Variants in TPR observed in about 807,000 individuals in gnomAD.
TPR encodes translocated promoter region, nuclear basket protein.
Under a neutral mutation model 316.1 loss-of-function variants are expected in TPR, and 51 were observed. That is an observed-to-expected ratio of 0.16 (90% CI 0.13 to 0.20). The LOEUF (loss-of-function observed/expected upper bound fraction) is 0.20, where lower values mean the gene tolerates loss of function less well. Among genes scored for constraint, TPR ranks in the 10% least tolerant of loss-of-function variants. The pLI, the probability that TPR is intolerant of heterozygous loss-of-function variation, is 1.00. For synonymous variants in TPR, 981 were observed against 914.7 expected (o/e 1.07, Z -1.31); for missense variants, 2,272 against 2,754.8 (o/e 0.82, Z 3.92).
chr1:186,346,328 C>A (rs1315982603), intron 22 of TPR, 41 bp from the exon 23 acceptor site: 4 of 1,533,086 alleles, frequency 2.6e-6, no homozygotes, highest in East Asian at 2.3e-5. Context: ...AAATTACACA[C>A]ATTTAAAGTC....
intron 21 of TPR, among the ~76,000 whole-genome samples, chr1:186,349,647 G>A (rs1171658261): frequency 2.7e-5 from 4 of 148,340 alleles, no homozygotes; most frequent in Non-Finnish European, 6.0e-5. Context: ...GCAACAGTGC[G>A]AGACTCTCTC....
chr1:186,344,398 C>T lies in TPR; in HGVS notation c.3394G>A (p.Glu1132Lys), dbSNP rs1273068778. 1.9e-6 allele frequency: 3 copies of T among 1,613,946 alleles called. No homozygotes were observed. Among genetic ancestry groups the T allele is most frequent in the Admixed American group, 3.3e-5 (2 of 59,988 alleles). The change falls in exon 25 of 51, where the codon GAG becomes AAG. Residue 1132 changes from glutamate (E) to lysine (K), a missense_variant. By Grantham distance (56) the Glu-to-Lys change is moderately conservative. Around this residue, in one of 10 missense-constraint regions of TPR, gnomAD observed 757 missense variants for 859.8 expected, o/e 0.88. Coordinates refer to ENST00000367478, the MANE Select transcript of TPR (RefSeq NM_003292.3). ...SQLLECKASWEERERMLKDEV... is the reference protein window; with the variant it reads ...SQLLECKASWKERERMLKDEV... ...ACCTTTAACATTCTCTCTCTTTCCT[C>T]CCAAGATGCTTTACACTCCAACAAC...
rs750677995 is a variant in TPR, at chr1:186,375,063, G to C, written c.-35C>G. ...GCCAGGGACCCCAGTGGCAGCGGCC[G>C]ACGGGGTAGAAGCGGAGAAGAAAGG... On this transcript the variant is annotated 5_prime_UTR_variant, in exon 1 of 51. Transcript: ENST00000367478. 6.2e-7 allele frequency: 1 copy of C among 1,613,314 alleles called. No homozygotes were observed. The highest frequency in any genetic ancestry group is 1.1e-5 in the South Asian group (1 of 91,034).
chr1:186,327,013 AAT>A lies in TPR; in HGVS notation c.5889+445_5889+446del, dbSNP rs576982225. The stretch of plus-strand genomic sequence containing the variant: ...TTAATATATAATATATTAAATATAT[AAT>A]ATATATATTATATATATAAATATAT... On this transcript the variant is annotated intron_variant, in intron 40 of 50. Coordinates refer to ENST00000367478, the MANE Select transcript of TPR (RefSeq NM_003292.3). Among the ~76,000 whole-genome samples the A allele has an allele frequency of 8.3e-3, 546 of 66,140 alleles. 2 individuals carry two copies. Among genetic ancestry groups the A allele is most frequent in the African/African-American group, 0.016 (217 of 13,154 alleles). 43.4% of individuals were successfully genotyped at this position (66,140 alleles called of 152,430 possible). A position where few individuals can be genotyped will look rare whatever the true frequency, so the allele number is the denominator to read the frequency against.
At position 186,318,481 on chromosome 1, in the gene TPR, C is replaced by T. The variant is rs1657676179; in HGVS notation, c.6787G>A (p.Gly2263Arg). The T allele has an allele frequency of 1.2e-6, 2 of 1,612,602 alleles. No individual in the cohort carries two copies. Among genetic ancestry groups the T allele is most frequent in the Admixed American group, 1.7e-5 (1 of 59,636 alleles). ...TCTGCCTCCACAAATACTTCATCTC[C>T]ATCATCACCTGTTGCTGTTTCATTT... ...TTNETATGDD[G>R]DEVFVEAESE... The change falls in exon 48 of 51, where the codon GGA becomes AGA. Residue 2263 changes from glycine (G) to arginine (R), a missense_variant. Physicochemically the swap from Gly to Arg is moderately radical, Grantham distance 125. This residue lies in a region of TPR where 123 missense variants were observed against 142.3 expected (regional missense o/e 0.86). Coordinates refer to ENST00000367478, the MANE Select transcript of TPR (RefSeq NM_003292.3).
chr1:186,335,178 C>T (rs1214205553), intron 34 of TPR, 49 bp from the exon 35 acceptor site: 7 of 1,571,122 alleles, frequency 4.5e-6, no homozygotes, highest in Non-Finnish European at 3.4e-6. Context: ...CAAGAGTCCA[C>T]TAAAAATGCC....
In TPR at chr1:186,313,662, T is replaced by C; in HGVS notation, c.*309A>G. The C allele has an allele frequency of 6.8e-7, 1 of 1,464,518 alleles. No homozygotes were observed. The highest frequency in any genetic ancestry group is 1.7e-5 in the Admixed American group (1 of 59,688). The allele number at this position is 1,464,518 out of a possible 1,614,324, so 90.7% of individuals were successfully genotyped here. On this transcript the variant is annotated 3_prime_UTR_variant, in exon 51 of 51. Coordinates refer to ENST00000367478, the MANE Select transcript of TPR (RefSeq NM_003292.3). ...ATTGTTTTCTTTTTAACTAAAAAAA[T>C]GTTTTCTCTTCCATTTAGATCAATA...
chr1:186,351,502 T>C, intron 19 of TPR, 32 bp from the exon 20 acceptor site: 1 of 1,513,068 alleles, frequency 6.6e-7, no homozygotes. Flanking sequence ...TGGTTATGCT[T>C]AAGAAAAAGG....
At chr1:186,361,559 AG>A in intron 9 of TPR, 62 bp downstream of exon 9, 2 of 1,501,942 alleles carry the variant, frequency 1.3e-6, no homozygotes, top group East Asian at 2.3e-5. Context: ...ATACAAAACA[AG>A]GGTAAAAAAA....
At chr1:186,339,822 A>C in intron 29 of TPR, 50 bp from the exon 30 acceptor site, 1 of 1,476,338 alleles carries the variant, frequency 6.8e-7, no homozygotes, top group Non-Finnish European at 9.1e-7. Flanking sequence ...TATGAAACAA[A>C]TGTGCTATAA....
intron 20 of TPR, 44 bp from the exon 21 acceptor site, chr1:186,350,432 T>G: frequency 7.3e-7 from 1 of 1,373,430 alleles, no homozygotes; most frequent in Non-Finnish European, 9.8e-7. Flanking sequence ...GGTTCCTAAG[T>G]AACTAAAGGT....
At chr1:186,372,149 T>C (rs938496121) in intron 2 of TPR, among the ~76,000 whole-genome samples, 3 of 152,242 alleles carry the variant, frequency 2.0e-5, no homozygotes, top group Admixed American at 1.3e-4. Flanking sequence ...AAATAGTTGA[T>C]GGTCATGGAC....
Position 186,359,823 on chromosome 1 carries a change from A to G in TPR, c.1365T>C (p.Ser455=). The change falls in exon 12 of 51, where the codon TCT becomes TCC. Residue 455 remains serine, a synonymous_variant. Transcript: ENST00000367478. Reference sequence around the variant, plus strand: ...CCTTCATAGCTTGTTCAAGCTTAACAGATAAACTTGCTACAGCTTTCTGTG... The same window carrying G: ...CCTTCATAGCTTGTTCAAGCTTAACGGATAAACTTGCTACAGCTTTCTGTG... The part of the protein sequence containing the change: ...ERAQKAVASL[S]VKLEQAMKEI... The G allele has an allele frequency of 6.3e-7, 1 of 1,587,570 alleles. No homozygotes were observed. The highest frequency in any genetic ancestry group is 8.5e-7 in the Non-Finnish European group (1 of 1,173,110).
intron 24 of TPR, 111 bp downstream of exon 24, chr1:186,345,469 G>T: frequency 1.2e-6 from 1 of 845,860 alleles, no homozygotes; most frequent in Non-Finnish European, 1.9e-6. Flanking sequence ...CACAAAAGTG[G>T]AAATTATCTT....
chr1:186,349,486 T>C (rs1361369074), intron 21 of TPR, among the ~76,000 whole-genome samples: 5 of 149,222 alleles, frequency 3.4e-5, no homozygotes, highest in Non-Finnish European at 3.0e-5. Flanking sequence ...ACCCCATCTC[T>C]ACTAAAAAAA....
chr1:186,333,002 G>C, intron 37 of TPR, 120 bp downstream of exon 37: 1 of 1,174,028 alleles, frequency 8.5e-7, no homozygotes, highest in East Asian at 2.6e-5. Flanking sequence ...TATTATAATT[G>C]CGTAGGTCTA....
At chr1:186,325,647 G>C (rs1657903073) in intron 42 of TPR, 117 bp downstream of exon 42, 1 of 783,426 alleles carries the variant, frequency 1.3e-6, no homozygotes, top group Admixed American at 2.9e-5. Flanking sequence ...AGCTAGAACA[G>C]GGGCCAATCT....
rs762249030 is a variant in TPR at position 186,355,563 on chromosome 1, A to G, written c.2023-5T>C. The G allele has an allele frequency of 1.6e-5, 25 of 1,611,978 alleles. No homozygotes were observed. The Middle Eastern group carries it at 6.6e-4, about 43-fold the overall frequency. On this transcript the variant is annotated splice_region_variant and splice_polypyrimidine_tract_variant and intron_variant, in intron 16 of 50. Transcript: ENST00000367478. ...GTTCTCAAAAATTTCCTGCAACTAA[A>G]TATTGGAGATTATGAGAAGGTAACA...
intron 15 of TPR, 142 bp downstream of exon 15, chr1:186,356,144 T>C (rs1405164047): frequency 4.3e-6 from 3 of 700,162 alleles, no homozygotes; most frequent in Non-Finnish European, 6.6e-6. Context: ...TGTTTTACAG[T>C]TGATGGGATG....
Sources: allele counts gnomAD v4.1 joint callset (sites outside exome capture counted in the v4.1 genomes callset), GRCh38; gene constraint gnomAD v4.1.1; regional missense constraint gnomAD v4.1.1; transcripts MANE v1.5; gene names NCBI Gene and HGNC (gene_info 2026-07-23, HGNC 2026-07-21).